Variants in SLAIN2 observed in about 807,000 individuals in gnomAD.
SLAIN2 encodes the protein SLAIN family member 2.
In SLAIN2, 31 loss-of-function variants were observed where a neutral mutation model predicts 56.6. The ratio of observed to expected loss-of-function variants is 0.55; its 90% CI spans 0.41 to 0.74. The LOEUF (loss-of-function observed/expected upper bound fraction) is 0.74, where lower values mean the gene tolerates loss of function less well. SLAIN2 is among the 30% of genes least tolerant of loss of function. SLAIN2 has a pLI of 0.00. For synonymous variants in SLAIN2, 317 were observed against 284.9 expected (o/e 1.11, Z -1.13); for missense variants, 777 against 754.2 (o/e 1.03, Z -0.35).
At chr4:48,399,764 G>A (rs1007061577) in intron 6 of SLAIN2, among the ~76,000 whole-genome samples, 2 of 152,170 alleles carry the variant, frequency 1.3e-5, no homozygotes, top group Non-Finnish European at 2.9e-5. Flanking sequence ...AGATAATCAT[G>A]TGGTTTTTGT....
At chr4:48,383,979 A>T (rs1404970246) in intron 6 of SLAIN2, 195 bp downstream of exon 6, 5 of 565,272 alleles carry the variant, frequency 8.8e-6, no homozygotes, top group Non-Finnish European at 1.2e-5. Flanking sequence ...TCTATGTAGG[A>T]TACTTGATTC....
At chr4:48,386,823 T>C (rs1175830837) in intron 6 of SLAIN2, among the ~76,000 whole-genome samples, 2 of 152,128 alleles carry the variant, frequency 1.3e-5, no homozygotes, top group Non-Finnish European at 2.9e-5. Context: ...TGGCTTCTTT[T>C]TTCCCCTGAC....
intron 1 of SLAIN2, among the ~76,000 whole-genome samples, chr4:48,365,444 C>CAAAAA (rs34317951): frequency 1.8e-4 from 10 of 56,980 alleles, no homozygotes; most frequent in African/African-American, 4.6e-4. Context: ...GACTCCATCT[C>CAAAAA]AAAAAAAAAA....
At chr4:48,419,645 C>T (rs1717094909) in intron 6 of SLAIN2, among the ~76,000 whole-genome samples, 1 of 152,132 alleles carries the variant, frequency 6.6e-6, no homozygotes, top group South Asian at 2.1e-4. Context: ...TTTTTAGTTT[C>T]TAAATTTTTA....
intron 5 of SLAIN2, among the ~76,000 whole-genome samples, chr4:48,383,168 CAAAAAAAA>C (rs34436951): frequency 5.2e-5 from 5 of 95,548 alleles, no homozygotes; most frequent in Non-Finnish European, 8.5e-5. Flanking sequence ...ATCCTGTTTT[CAAAAAAAA>C]AAAAAAAAAA....
intron 6 of SLAIN2, among the ~76,000 whole-genome samples, chr4:48,396,998 C>A (rs1325349952): frequency 6.6e-6 from 1 of 152,118 alleles, no homozygotes; most frequent in African/African-American, 2.4e-5. Context: ...TTTTGTGTTT[C>A]TTCAGCCTAT....
intron 6 of SLAIN2, among the ~76,000 whole-genome samples, chr4:48,414,756 T>C (rs1433422559): frequency 9.9e-6 from 1 of 100,514 alleles, no homozygotes; most frequent in Non-Finnish European, 2.0e-5. Context: ...CCCCTTCCTG[T>C]GTCCATGTGA....
intron 1 of SLAIN2, among the ~76,000 whole-genome samples, chr4:48,365,296 CCGTCTCTACTA>C (rs1715483508): frequency 6.6e-6 from 1 of 151,588 alleles, no homozygotes; most frequent in Non-Finnish European, 1.5e-5. Context: ...TGGTGAAACT[CCGTCTCTACTA>C]AAAATACAAA....
At chr4:48,366,495 C>G (rs958687225) in intron 1 of SLAIN2, among the ~76,000 whole-genome samples, 5 of 152,202 alleles carry the variant, frequency 3.3e-5, no homozygotes, top group African/African-American at 9.6e-5. Flanking sequence ...AATGTTATAT[C>G]TTCCTTTTAG....
At chr4:48,386,797 G>C (rs906403267) in intron 6 of SLAIN2, among the ~76,000 whole-genome samples, 3 of 152,110 alleles carry the variant, frequency 2.0e-5, no homozygotes, top group African/African-American at 7.2e-5. Context: ...TTTGACACTT[G>C]AGAATATCCT....
At chr4:48,399,164 T>A (rs914779885) in intron 6 of SLAIN2, among the ~76,000 whole-genome samples, 13 of 152,206 alleles carry the variant, frequency 8.5e-5, no homozygotes, top group Non-Finnish European at 1.9e-4. Flanking sequence ...TTTGTTTGTT[T>A]CCTCTCTGAT....
At chr4:48,355,272 C>T (rs541313030) in intron 1 of SLAIN2, among the ~76,000 whole-genome samples, 119 of 152,200 alleles carry the variant, frequency 7.8e-4, no homozygotes, top group African/African-American at 2.7e-3. Context: ...CTACTGTGTG[C>T]CAGGAAGTTT....
At chr4:48,361,984 G>A (rs759260822) in intron 1 of SLAIN2, among the ~76,000 whole-genome samples, 4 of 152,068 alleles carry the variant, frequency 2.6e-5, no homozygotes, top group Non-Finnish European at 4.4e-5. Context: ...ATAGTGTTTA[G>A]AAATACAATT....
chr4:48,372,338 TAAAC>T (rs1203900479), intron 2 of SLAIN2, among the ~76,000 whole-genome samples: 2 of 152,162 alleles, frequency 1.3e-5, no homozygotes, highest in Non-Finnish European at 1.5e-5. Flanking sequence ...AGCCAGATAA[TAAAC>T]AATTTTAGTC....
At chr4:48,388,600 A>G (rs1716158461) in intron 6 of SLAIN2, among the ~76,000 whole-genome samples, 1 of 152,226 alleles carries the variant, frequency 6.6e-6, no homozygotes, top group South Asian at 2.1e-4. Flanking sequence ...AATGAATTGT[A>G]CAAGGCCATA....
At chr4:48,364,969 G>A (rs1715471725) in intron 1 of SLAIN2, among the ~76,000 whole-genome samples, 1 of 151,884 alleles carries the variant, frequency 6.6e-6, no homozygotes, top group Non-Finnish European at 1.5e-5. Flanking sequence ...TCTTTCTTGA[G>A]TTTTTAGAGT....
chr4:48,390,744 T>C (rs1314647655), intron 6 of SLAIN2, among the ~76,000 whole-genome samples: 5 of 152,232 alleles, frequency 3.3e-5, no homozygotes, highest in African/African-American at 1.2e-4. Flanking sequence ...CAGTGGTGAA[T>C]AGTATAGCTT....
At chr4:48,411,302 T>G (rs1267447536) in intron 6 of SLAIN2, among the ~76,000 whole-genome samples, 7 of 152,062 alleles carry the variant, frequency 4.6e-5, no homozygotes, top group Admixed American at 4.6e-4. Context: ...TGTGATTCGT[T>G]TTGGGGATGG....
intron 6 of SLAIN2, among the ~76,000 whole-genome samples, chr4:48,411,451 A>G (rs1716844484): frequency 6.6e-6 from 1 of 152,150 alleles, no homozygotes; most frequent in African/African-American, 2.4e-5. Flanking sequence ...AATTTTTTTA[A>G]TAGTGTGAAG....
Sources: gnomAD v4.1 joint callset for allele counts (sites outside exome capture counted in the v4.1 genomes callset) on GRCh38, gnomAD v4.1.1 for gene constraint, MANE v1.5 for transcripts, NCBI Gene and HGNC (gene_info 2026-07-23, HGNC 2026-07-21) for gene names.